ERBB4: variants seen among roughly 807,000 people sequenced by gnomAD.
The protein encoded by ERBB4 is receptor tyrosine-protein kinase erbB-4.
In ERBB4, 42 loss-of-function variants were observed where a neutral mutation model predicts 158.0. The observed-to-expected ratio is 0.27, with a 90% CI of 0.21 to 0.34. The LOEUF (loss-of-function observed/expected upper bound fraction) is 0.34, where lower values mean the gene tolerates loss of function less well. Among genes scored for constraint, ERBB4 ranks in the 10% least tolerant of loss-of-function variants. ERBB4 has a pLI of 1.00. For missense variants in ERBB4, 1,333 were observed against 1,624.1 expected, an observed-to-expected ratio of 0.82 and a Z score of 3.08; for synonymous variants, 583 against 558.7, an observed-to-expected ratio of 1.04 and a Z score of -0.61.
chr2:211,388,865 A>G (rs937032026), intron 25 of ERBB4, among the ~76,000 whole-genome samples: 1 of 152,148 alleles, frequency 6.6e-6, no homozygotes, highest in Non-Finnish European at 1.5e-5. Flanking sequence ...CATTAAACAC[A>G]TTTTTTGAGA....
intron 1 of ERBB4, among the ~76,000 whole-genome samples, chr2:212,153,816 T>C (rs567022212): frequency 6.6e-6 from 1 of 152,170 alleles, no homozygotes; most frequent in African/African-American, 2.4e-5. Context: ...GGAATTAGAA[T>C]GTGCGAATGT....
chr2:211,694,551 T>C (rs1287295881), intron 12 of ERBB4, among the ~76,000 whole-genome samples: 1 of 130,270 alleles, frequency 7.7e-6, no homozygotes, highest in Non-Finnish European at 1.7e-5. Context: ...AACAAAATCT[T>C]ACTTGAATGC....
intron 1 of ERBB4, among the ~76,000 whole-genome samples, chr2:212,368,884 C>A (rs2089988251): frequency 6.6e-6 from 1 of 152,058 alleles, no homozygotes; most frequent in South Asian, 2.1e-4. Flanking sequence ...CACCGTAGGT[C>A]CCTACTACTA....
intron 1 of ERBB4, among the ~76,000 whole-genome samples, chr2:212,241,000 G>A (rs1390253108): frequency 6.6e-6 from 1 of 152,056 alleles, no homozygotes; most frequent in African/African-American, 2.4e-5. Flanking sequence ...AATTGGTGAT[G>A]GGCATTTGAA....
intron 5 of ERBB4, among the ~76,000 whole-genome samples, chr2:211,736,409 T>TA (rs2074602758): frequency 6.6e-6 from 1 of 152,158 alleles, no homozygotes; most frequent in African/African-American, 2.4e-5. Context: ...CTTATTTCAA[T>TA]AAAAATGTAT....
At chr2:211,765,648 C>G (rs2075534191) in intron 4 of ERBB4, among the ~76,000 whole-genome samples, 1 of 152,248 alleles carries the variant, frequency 6.6e-6, no homozygotes, top group South Asian at 2.1e-4. Context: ...GACCCTTAGA[C>G]ATTTGTTTAT....
At chr2:211,561,881 A>G (rs1439655515) in intron 20 of ERBB4, 22 bp downstream of exon 20, 2 of 1,605,946 alleles carry the variant, frequency 1.2e-6, no homozygotes, top group East Asian at 2.2e-5. Context: ...TGTAATTTCC[A>G]TAGAAATTGA....
At chr2:212,109,430 T>C (rs534942679) in intron 2 of ERBB4, among the ~76,000 whole-genome samples, 35 of 152,326 alleles carry the variant, frequency 2.3e-4, no homozygotes, top group Non-Finnish European at 4.3e-4. Flanking sequence ...TGAAAACAAT[T>C]ACTATGGTTC....
intron 19 of ERBB4, among the ~76,000 whole-genome samples, chr2:211,616,015 G>C (rs540014949): frequency 6.6e-6 from 1 of 152,254 alleles, no homozygotes; most frequent in South Asian, 2.1e-4. Context: ...GGTTGCAGCA[G>C]ATCTTATTTA....
chr2:212,535,216 CCTT>C lies in ERBB4; in HGVS notation c.82+3230_82+3232del, dbSNP rs1692980555. On this transcript the variant is annotated intron_variant, in intron 1 of 27. Transcript: ENST00000342788. The stretch of plus-strand genomic sequence containing the variant: ...ACATATTGTGAAGAAAAAAATAACA[CCTT>C]CTTCTAAAAAGCCCCCTTTTATATA... Among the ~76,000 whole-genome samples the C allele has an allele frequency of 2.0e-5, 3 of 151,888 alleles. No individual in the cohort carries two copies. In the South Asian group the frequency reaches 6.2e-4, roughly 32 times the overall value.
intron 20 of ERBB4, among the ~76,000 whole-genome samples, chr2:211,526,096 C>T (rs563710129): frequency 1.5e-4 from 23 of 152,124 alleles, no homozygotes; most frequent in African/African-American, 4.6e-4. Flanking sequence ...GGGCCTGGAG[C>T]GAACATAGGT....
At chr2:211,508,347 A>G (rs763071224) in intron 20 of ERBB4, among the ~76,000 whole-genome samples, 1 of 152,174 alleles carries the variant, frequency 6.6e-6, no homozygotes, top group Non-Finnish European at 1.5e-5. Context: ...AAAAAAAGAC[A>G]TTTTGCAGCC....
chr2:211,664,099 C>T (rs2071529391), intron 15 of ERBB4, among the ~76,000 whole-genome samples: 1 of 152,096 alleles, frequency 6.6e-6, no homozygotes, highest in African/African-American at 2.4e-5. Context: ...TATTACTTTA[C>T]CTTTTGAGGA....
intron 1 of ERBB4, among the ~76,000 whole-genome samples, chr2:212,284,804 C>T (rs1322684040): frequency 6.6e-6 from 1 of 152,010 alleles, no homozygotes; most frequent in Non-Finnish European, 1.5e-5. Flanking sequence ...TTGAGCACTG[C>T]ATAAAGGTGT....
At chr2:211,834,452 A>T (rs965169816) in intron 3 of ERBB4, among the ~76,000 whole-genome samples, 1 of 151,538 alleles carries the variant, frequency 6.6e-6, no homozygotes, top group Non-Finnish European at 1.5e-5. Flanking sequence ...TCTTTCGTGT[A>T]AATTTTTGTT....
At chr2:212,030,683 C>A (rs987340148) in intron 2 of ERBB4, among the ~76,000 whole-genome samples, 2 of 152,054 alleles carry the variant, frequency 1.3e-5, no homozygotes, top group Non-Finnish European at 2.9e-5. Flanking sequence ...AGAATATGTA[C>A]CTCAAAGTTA....
chr2:212,073,938 C>T (rs1017945405), intron 2 of ERBB4, among the ~76,000 whole-genome samples: 2 of 151,994 alleles, frequency 1.3e-5, no homozygotes, highest in Non-Finnish European at 2.9e-5. Context: ...AAACATGCAA[C>T]TGAAATGATG....
intron 2 of ERBB4, among the ~76,000 whole-genome samples, chr2:211,979,433 T>C (rs1197685778): frequency 2.6e-5 from 4 of 152,208 alleles, no homozygotes; most frequent in Non-Finnish European, 4.4e-5. Context: ...CTTTAGTAAC[T>C]ACTAAAAAGA....
Position 212,012,221 on chromosome 2 carries a change from TACA to T in ERBB4, c.235-64608_235-64606del, listed in dbSNP as rs571607630. Among the ~76,000 whole-genome samples the T allele has an allele frequency of 3.1e-3, 465 of 152,318 alleles. 3 individuals carry two copies. Among genetic ancestry groups the T allele is most frequent in the Admixed American group, 0.015 (231 of 15,306 alleles). On this transcript the variant is annotated intron_variant, in intron 2 of 27. Transcript: ENST00000342788. ...GAAGCTTTTGATAACATTTTTCTGA[TACA>T]ACAAGATATTTTAGGCTCATCCTGT...
Sources: gnomAD v4.1 joint callset for allele counts (sites outside exome capture counted in the v4.1 genomes callset) on GRCh38, gnomAD v4.1.1 for gene constraint, MANE v1.5 for transcripts, NCBI Gene and HGNC (gene_info 2026-07-23, HGNC 2026-07-21) for gene names.